The following CATSPERT variants were observed in gnomAD, a reference collection of about 807,000 sequenced individuals.
CATSPERT encodes catsper channel auxiliary subunit tau.
the CATSPERT span, among the ~76,000 whole-genome samples, chr2:201,537,795 A>G: frequency 6.6e-6 from 1 of 152,078 alleles, no homozygotes; most frequent in Non-Finnish European, 1.5e-5. Flanking sequence ...GGAAGAAGAG[A>G]CTAGAATAAA....
the CATSPERT span, among the ~76,000 whole-genome samples, chr2:201,606,080 C>T: frequency 6.6e-6 from 1 of 152,082 alleles, no homozygotes; most frequent in African/African-American, 2.4e-5. Flanking sequence ...AATTGGAAGG[C>T]AGGCAAATGA....
chr2:201,565,236 T>C, the CATSPERT span, among the ~76,000 whole-genome samples: 2 of 151,222 alleles, frequency 1.3e-5, no homozygotes, highest in African/African-American at 4.9e-5. Context: ...TTTCGGAGGC[T>C]GAGACTGGAG....
chr2:201,597,256 A>AT, the CATSPERT span, among the ~76,000 whole-genome samples: 1 of 152,142 alleles, frequency 6.6e-6, no homozygotes, highest in East Asian at 1.9e-4. Flanking sequence ...TCAGACTCCA[A>AT]TAACTCTGAA....
At chr2:201,596,897 G>A in the CATSPERT span, among the ~76,000 whole-genome samples, 3 of 152,088 alleles carry the variant, frequency 2.0e-5, no homozygotes, top group African/African-American at 7.2e-5. Flanking sequence ...ACGTTGATAC[G>A]TTTATGACAG....
At chr2:201,570,546 A>C in the CATSPERT span, among the ~76,000 whole-genome samples, 3 of 152,312 alleles carry the variant, frequency 2.0e-5, no homozygotes, top group South Asian at 6.2e-4. Context: ...ATAGTAACTC[A>C]ATTGGGTAGT....
the CATSPERT span, among the ~76,000 whole-genome samples, chr2:201,617,727 G>C: frequency 6.6e-6 from 1 of 152,128 alleles, no homozygotes; most frequent in Non-Finnish European, 1.5e-5. Context: ...TTAAACTAAA[G>C]AGCTTCTGCA....
the CATSPERT span, among the ~76,000 whole-genome samples, chr2:201,488,816 A>G: frequency 6.6e-6 from 1 of 152,232 alleles, no homozygotes; most frequent in African/African-American, 2.4e-5. Context: ...GAGTCTAAAG[A>G]TAAATTCTAC....
chr2:201,543,298 GTTC>G, the CATSPERT span, among the ~76,000 whole-genome samples: 3 of 152,162 alleles, frequency 2.0e-5, no homozygotes, highest in South Asian at 2.1e-4. Context: ...ATACCTCCAC[GTTC>G]TTCTTTCTCA....
chr2:201,538,321 G>A, the CATSPERT span, among the ~76,000 whole-genome samples: 3 of 151,936 alleles, frequency 2.0e-5, no homozygotes, highest in Non-Finnish European at 4.4e-5. Flanking sequence ...GTCCATCCAC[G>A]TTGTCACATA....
At chr2:201,593,211 C>A in the CATSPERT span, among the ~76,000 whole-genome samples, 1 of 151,866 alleles carries the variant, frequency 6.6e-6, no homozygotes, top group Non-Finnish European at 1.5e-5. Flanking sequence ...CAAAGAACAT[C>A]TTTATTTCTG....
chr2:201,535,478 G>C, the CATSPERT span: 1 of 923,992 alleles, frequency 1.1e-6, no homozygotes, highest in Non-Finnish European at 1.3e-6. Flanking sequence ...TTGTAATAAG[G>C]AGAACATGTT....
chr2:201,543,616 A>C, the CATSPERT span, among the ~76,000 whole-genome samples: 2 of 152,138 alleles, frequency 1.3e-5, no homozygotes, highest in Non-Finnish European at 2.9e-5. Flanking sequence ...ATGCTATTGT[A>C]AACTGGAATT....
chr2:201,566,540 C>CT, the CATSPERT span, among the ~76,000 whole-genome samples: 2 of 152,086 alleles, frequency 1.3e-5, no homozygotes, highest in Non-Finnish European at 2.9e-5. Flanking sequence ...TGAACTCATC[C>CT]TTTTTTATGG....
At chr2:201,559,124 G>A in the CATSPERT span, among the ~76,000 whole-genome samples, 1 of 152,210 alleles carries the variant, frequency 6.6e-6, no homozygotes, top group Non-Finnish European at 1.5e-5. Flanking sequence ...CCCATGCTCA[G>A]GACCTGAGAA....
the CATSPERT span, chr2:201,547,507 C>G: frequency 6.7e-7 from 1 of 1,496,434 alleles, no homozygotes; most frequent in Non-Finnish European, 9.2e-7. Context: ...TCAATTACCT[C>G]AGAATCCTTA....
the CATSPERT span, chr2:201,582,175 C>T: frequency 1.2e-6 from 2 of 1,607,302 alleles, no homozygotes; most frequent in Non-Finnish European, 1.7e-6. Flanking sequence ...TGTATGAGTT[C>T]CAATAAAATA....
chr2:201,504,622 G>A, the CATSPERT span, among the ~76,000 whole-genome samples: 1 of 152,082 alleles, frequency 6.6e-6, no homozygotes, highest in African/African-American at 2.4e-5. Context: ...TTTCATTCCT[G>A]CTTCTCATGA....
At chr2:201,524,745 C>A in the CATSPERT span, among the ~76,000 whole-genome samples, 5 of 152,302 alleles carry the variant, frequency 3.3e-5, no homozygotes, top group African/African-American at 9.6e-5. Context: ...CAATGACACC[C>A]ATAGGCTCAA....
chr2:201,610,779 C>T, the CATSPERT span, among the ~76,000 whole-genome samples: 2 of 152,084 alleles, frequency 1.3e-5, no homozygotes, highest in African/African-American at 4.8e-5. Flanking sequence ...ATACCATGAT[C>T]ATATGGGATT....
Sources: gnomAD v4.1 joint callset for allele counts (sites outside exome capture counted in the v4.1 genomes callset) on GRCh38, gnomAD v4.1.1 for gene constraint, MANE v1.5 for transcripts, NCBI Gene and HGNC (gene_info 2026-07-23, HGNC 2026-07-21) for gene names.